SAMD5: variants seen among roughly 807,000 people sequenced by gnomAD.
The protein encoded by SAMD5 is sterile alpha motif domain-containing protein 5.
In SAMD5, 13 loss-of-function variants were observed where a neutral mutation model predicts 11.3. The observed-to-expected ratio is 1.15, with a 90% CI of 0.75 to 1.83. The LOEUF is 1.83. Among genes scored for constraint, SAMD5 ranks in the 40% most tolerant of loss-of-function variants. The pLI is 0.00. For synonymous variants in SAMD5, 129 were observed against 111.3 expected (o/e 1.16, Z -1.00); for missense variants, 255 against 239.1 (o/e 1.07, Z -0.44).
At chr6:147,806,473 T>G in the SAMD5 span, among the ~76,000 whole-genome samples, 1 of 152,136 alleles carries the variant, frequency 6.6e-6, no homozygotes, top group Non-Finnish European at 1.5e-5. Flanking sequence ...CTGTTTTGAG[T>G]CATTGCCACG....
chr6:147,768,474 G>A, the SAMD5 span, among the ~76,000 whole-genome samples: 1 of 151,934 alleles, frequency 6.6e-6, no homozygotes, highest in Non-Finnish European at 1.5e-5. Context: ...CTCCAGCCTG[G>A]GTGACAGAGT....
chr6:147,788,794 C>T, the SAMD5 span, among the ~76,000 whole-genome samples: 2 of 152,140 alleles, frequency 1.3e-5, no homozygotes, highest in Non-Finnish European at 2.9e-5. Context: ...TATTAAAAAC[C>T]ACCACCAGGA....
In SAMD5 at chr6:147,569,824, A is replaced by G. The variant is rs1789108337; in HGVS notation, c.*5368A>G. Reference sequence around the variant, plus strand: ...CAGATTCACTCTAATTGAAAGCAGCAGTTTGGTTTTGTAAATGTAATTGCA... The same window carrying G: ...CAGATTCACTCTAATTGAAAGCAGCGGTTTGGTTTTGTAAATGTAATTGCA... On this transcript the variant is annotated 3_prime_UTR_variant, in exon 2 of 2. Coordinates refer to ENST00000367474, the MANE Select transcript of SAMD5 (RefSeq NM_001030060.3). 9.1e-6 allele frequency: 9 copies of G among 985,164 alleles called. No individual in the cohort carries two copies. Among genetic ancestry groups the G allele is most frequent in the Non-Finnish European group, 1.1e-5 (9 of 829,692 alleles). 61.0% of individuals were successfully genotyped at this position (985,164 alleles called of 1,614,324 possible). A position where few individuals can be genotyped will look rare whatever the true frequency, so the allele number is the denominator to read the frequency against.
chr6:147,877,917 AGCTAGC>A, the SAMD5 span, among the ~76,000 whole-genome samples: 4 of 61,402 alleles, frequency 6.5e-5, no homozygotes, highest in Non-Finnish European at 1.7e-4. Flanking sequence ...ATAGCTAGCT[AGCTAGC>A]TAGATAGATA....
chr6:147,702,581 G>A (rs180983584), intron 1 of SAMD5, among the ~76,000 whole-genome samples: 5 of 152,280 alleles, frequency 3.3e-5, no homozygotes, highest in Admixed American at 3.3e-4. Flanking sequence ...CAAATAATTT[G>A]GGAAGCTAGA....
At chr6:147,588,910 C>G (rs912947456) in intron 1 of SAMD5, among the ~76,000 whole-genome samples, 1 of 152,028 alleles carries the variant, frequency 6.6e-6, no homozygotes, top group Admixed American at 6.6e-5. Context: ...TTACAGACAG[C>G]CTTGCTGGGG....
At chr6:147,555,184 G>A (rs1035535193) in intron 1 of SAMD5, among the ~76,000 whole-genome samples, 1 of 152,168 alleles carries the variant, frequency 6.6e-6, no homozygotes, top group South Asian at 2.1e-4. Flanking sequence ...GTAACAAAAT[G>A]AGAACTACTC....
chr6:147,909,639 T>TCTCTCTCTCTCTCTCTCTC, the SAMD5 span, among the ~76,000 whole-genome samples: 1 of 138,864 alleles, frequency 7.2e-6, no homozygotes, highest in African/African-American at 3.1e-5. Flanking sequence ...TTTCTCTTTC[T>TCTCTCTCTCTCTCTCTCTC]TGTCTTTTGT....
At chr6:147,575,162 G>A (rs1438559129) in intron 1 of SAMD5, among the ~76,000 whole-genome samples, 1 of 152,192 alleles carries the variant, frequency 6.6e-6, no homozygotes, top group Non-Finnish European at 1.5e-5. Flanking sequence ...GACTTTTGTA[G>A]GCAGTTTCTT....
At chr6:147,813,425 T>G in the SAMD5 span, among the ~76,000 whole-genome samples, 1 of 152,224 alleles carries the variant, frequency 6.6e-6, no homozygotes, top group African/African-American at 2.4e-5. Flanking sequence ...AAAACCTATC[T>G]GTGGATTTGT....
At chr6:147,535,778 T>C (rs1562314796) in intron 1 of SAMD5, among the ~76,000 whole-genome samples, 1 of 152,208 alleles carries the variant, frequency 6.6e-6, no homozygotes, top group Non-Finnish European at 1.5e-5. Flanking sequence ...ATTCCTTTTC[T>C]CTGGAGGTCC....
At chr6:147,716,246 C>T (rs1791465628) in intron 1 of SAMD5, among the ~76,000 whole-genome samples, 2 of 152,230 alleles carry the variant, frequency 1.3e-5, no homozygotes, top group Non-Finnish European at 1.5e-5. Context: ...TGGCAAGGGA[C>T]TGGTGCATCA....
chr6:147,599,162 A>G (rs1360255991), intron 1 of SAMD5, among the ~76,000 whole-genome samples: 1 of 152,170 alleles, frequency 6.6e-6, no homozygotes, highest in East Asian at 1.9e-4. Context: ...GACTTCTGTG[A>G]CCTTGATGGA....
chr6:147,948,732 T>TTTTTG, the SAMD5 span, among the ~76,000 whole-genome samples: 14 of 152,110 alleles, frequency 9.2e-5, no homozygotes, highest in East Asian at 1.9e-4. Context: ...CTTTTTTGGT[T>TTTTTG]TTTTGTTTTG....
intron 1 of SAMD5, among the ~76,000 whole-genome samples, chr6:147,563,556 C>A (rs768449721): frequency 2.0e-5 from 3 of 152,120 alleles, no homozygotes; most frequent in Non-Finnish European, 4.4e-5. Context: ...CTTCTTTGTC[C>A]ATCTAGATCT....
the SAMD5 span, among the ~76,000 whole-genome samples, chr6:147,783,347 CT>C: frequency 3.4e-5 from 5 of 147,430 alleles, no homozygotes; most frequent in East Asian, 8.0e-4. Context: ...CTAAAATCTA[CT>C]CCTTTGTGAA....
At position 147,613,509 on chromosome 6, in the gene SAMD5, C is replaced by T. The variant is rs1314017163; in HGVS notation, c.162+104122C>T. ...CCACCTTGAGACCACTCTTTTTCTTCCCCTGATATCCTGAACAATGACCAC... is the reference window on the plus strand; with the variant it reads ...CCACCTTGAGACCACTCTTTTTCTTTCCCTGATATCCTGAACAATGACCAC... On this transcript the variant is annotated intron_variant, in intron 1 of 1. Coordinates refer to the SAMD5 transcript ENST00000566741. Among the ~76,000 whole-genome samples the T allele has an allele frequency of 2.6e-5, 4 of 151,654 alleles. No homozygotes were observed. In the East Asian group the frequency reaches 5.8e-4, roughly 22 times the overall value.
chr6:147,772,664 G>A, the SAMD5 span, among the ~76,000 whole-genome samples: 1 of 152,094 alleles, frequency 6.6e-6, no homozygotes, highest in Admixed American at 6.5e-5. Flanking sequence ...TCCTCACGGG[G>A]TCTTTCTTCT....
At chr6:147,696,444 C>A (rs1176248558) in intron 1 of SAMD5, among the ~76,000 whole-genome samples, 1 of 152,194 alleles carries the variant, frequency 6.6e-6, no homozygotes, top group Non-Finnish European at 1.5e-5. Flanking sequence ...CTCAGGCAGT[C>A]ATCCTGGGCT....
Sources: allele counts gnomAD v4.1 joint callset (sites outside exome capture counted in the v4.1 genomes callset), GRCh38; gene constraint gnomAD v4.1.1; transcripts MANE v1.5; gene names NCBI Gene and HGNC (gene_info 2026-07-23, HGNC 2026-07-21).